AFG3L2: variants seen among roughly 807,000 people sequenced by gnomAD.
AFG3L2 encodes mitochondrial inner membrane m-AAA protease component AFG3L2.
AFG3L2 carries 54 observed loss-of-function variants against 94.5 expected under a neutral mutation model. The ratio of observed to expected loss-of-function variants is 0.57; its 90% CI spans 0.46 to 0.72. The LOEUF (loss-of-function observed/expected upper bound fraction) is 0.72. AFG3L2 is among the 30% of genes least tolerant of loss of function. AFG3L2 has a pLI of 0.00. For missense variants in AFG3L2, 754 were observed against 994.9 expected (o/e 0.76, Z 3.26); for synonymous variants, 377 against 365.5 (o/e 1.03, Z -0.36).
intron 5 of AFG3L2, among the ~76,000 whole-genome samples, 176 bp from the exon 6 acceptor site, chr18:12,364,032 C>T (rs1908737460): frequency 1.3e-5 from 2 of 152,166 alleles, no homozygotes. Flanking sequence ...GGCACATCCC[C>T]TCCCAAAGGG....
At chr18:12,335,406 C>A (rs569037828) in intron 16 of AFG3L2, among the ~76,000 whole-genome samples, 1 of 152,140 alleles carries the variant, frequency 6.6e-6, no homozygotes, top group Non-Finnish European at 1.5e-5. Context: ...ATCAAGAATG[C>A]GACCACTCAC....
chr18:12,329,829 C>A (rs1342440341), intron 16 of AFG3L2, 46 bp from the exon 17 acceptor site: 2 of 1,519,126 alleles, frequency 1.3e-6, no homozygotes, highest in Admixed American at 3.4e-5. Context: ...TCAGCAAAGT[C>A]TATTCAGAAA....
At chr18:12,337,241 G>A (rs987408543) in intron 16 of AFG3L2, 100 bp downstream of exon 16, 1 of 1,045,320 alleles carries the variant, frequency 9.6e-7, no homozygotes, top group African/African-American at 1.6e-5. Flanking sequence ...GCCAGAGAGA[G>A]GGAATTCTGC....
At chr18:12,340,165 T>C (rs1239150717) in intron 15 of AFG3L2, 36 bp downstream of exon 15, 1 of 1,560,870 alleles carries the variant, frequency 6.4e-7, no homozygotes, top group East Asian at 2.2e-5. Flanking sequence ...CAAATATGAA[T>C]ACATGAGGAG....
At chr18:12,348,154 G>GGC in intron 13 of AFG3L2, 119 bp downstream of exon 13, 1 of 814,158 alleles carries the variant, frequency 1.2e-6, no homozygotes, top group Non-Finnish European at 2.1e-6. Context: ...AAATGTGGTG[G>GGC]GCCCCAGGGC....
intron 3 of AFG3L2, among the ~76,000 whole-genome samples, chr18:12,369,501 C>T (rs1008299054): frequency 2.6e-5 from 4 of 152,050 alleles, no homozygotes; most frequent in African/African-American, 4.8e-5. Context: ...GAGGCAGAGG[C>T]GGGTGGATCA....
Position 12,329,252 on chromosome 18 carries a change from A to C in AFG3L2, c.*313T>G. On this transcript the variant is annotated 3_prime_UTR_variant, in exon 17 of 17. Transcript: ENST00000269143. ...AGTCCAGTGCAACGATCCCTGCCAC[A>C]CGGTCAGCCGACCCCACTTGGTGCC... is the stretch of plus-strand genomic sequence containing the variant. 1 of 701,694 alleles carries C rather than the reference A, an allele frequency of 1.4e-6. No homozygotes were observed. The highest frequency in any genetic ancestry group is 2.7e-4 in the Middle Eastern group (1 of 3,750). The allele number at this position is 701,694 out of a possible 1,614,324, so 43.5% of individuals were successfully genotyped here.
At chr18:12,343,991 T>C (rs1908038695) in intron 14 of AFG3L2, 141 bp downstream of exon 14, 2 of 736,218 alleles carry the variant, frequency 2.7e-6, no homozygotes, top group Admixed American at 2.1e-5. Flanking sequence ...TGTGCAACTA[T>C]GGTTACCAGA....
intron 9 of AFG3L2, among the ~76,000 whole-genome samples, chr18:12,355,468 G>A (rs981618559): frequency 6.6e-6 from 1 of 152,188 alleles, no homozygotes; most frequent in Non-Finnish European, 1.5e-5. Flanking sequence ...CTTACACATT[G>A]CTGGTAGGGA....
chr18:12,371,279 A>G (rs1908981354), intron 2 of AFG3L2, among the ~76,000 whole-genome samples: 1 of 150,462 alleles, frequency 6.6e-6, no homozygotes, highest in Non-Finnish European at 1.5e-5. Context: ...GCACTAGTGC[A>G]CTCCAACCTG....
At chr18:12,355,847 T>C (rs1908477561) in intron 9 of AFG3L2, among the ~76,000 whole-genome samples, 1 of 151,966 alleles carries the variant, frequency 6.6e-6, no homozygotes, top group Non-Finnish European at 1.5e-5. Context: ...TTTGGTTTTG[T>C]TTTTTTAGTA....
At chr18:12,356,513 A>G (rs1051291418) in intron 9 of AFG3L2, among the ~76,000 whole-genome samples, 181 bp downstream of exon 9, 3 of 152,192 alleles carry the variant, frequency 2.0e-5, no homozygotes, top group African/African-American at 7.2e-5. Context: ...GTGCGAGGGA[A>G]GGTGGGGTGG....
chr18:12,353,800 G>C (rs890656105), intron 9 of AFG3L2, among the ~76,000 whole-genome samples: 5 of 152,142 alleles, frequency 3.3e-5, no homozygotes, highest in Non-Finnish European at 7.3e-5. Flanking sequence ...ACACAGTAGA[G>C]CTGTAAACTT....
At chr18:12,375,200 G>GC (rs1909109357) in intron 1 of AFG3L2, among the ~76,000 whole-genome samples, 1 of 151,522 alleles carries the variant, frequency 6.6e-6, no homozygotes, top group East Asian at 1.9e-4. Flanking sequence ...TGGCAAGGGA[G>GC]CCTCAAGGAG....
At chr18:12,374,653 T>C (rs1340486602) in intron 1 of AFG3L2, among the ~76,000 whole-genome samples, 2 of 152,178 alleles carry the variant, frequency 1.3e-5, no homozygotes, top group Non-Finnish European at 2.9e-5. Context: ...GGGACAATAG[T>C]GTCACTCAAA....
intron 16 of AFG3L2, among the ~76,000 whole-genome samples, chr18:12,330,488 G>C (rs144139414): frequency 7.2e-5 from 11 of 151,996 alleles, no homozygotes; most frequent in Middle Eastern, 6.8e-3. Flanking sequence ...CATTAAAGCA[G>C]AATAGGCAGC....
intron 10 of AFG3L2, 76 bp downstream of exon 10, chr18:12,352,929 G>C: frequency 6.3e-7 from 1 of 1,590,478 alleles, no homozygotes; most frequent in Non-Finnish European, 8.6e-7. Flanking sequence ...ACTTCAGCCT[G>C]GACGACAGAG....
chr18:12,354,618 G>T (rs1342650160), intron 9 of AFG3L2, among the ~76,000 whole-genome samples: 2 of 152,092 alleles, frequency 1.3e-5, no homozygotes, highest in Admixed American at 1.3e-4. Flanking sequence ...ACTCTGACAA[G>T]ACCAGCACTG....
At chr18:12,358,364 C>CCGCT (rs1908557446) in intron 8 of AFG3L2, among the ~76,000 whole-genome samples, 1 of 152,236 alleles carries the variant, frequency 6.6e-6, no homozygotes, top group Non-Finnish European at 1.5e-5. Context: ...CAGTGAGCTA[C>CCGCT]AGCGGGCCTA....
Sources: gnomAD v4.1 joint callset for allele counts (sites outside exome capture counted in the v4.1 genomes callset) on GRCh38, gnomAD v4.1.1 for gene constraint, MANE v1.5 for transcripts, NCBI Gene and HGNC (gene_info 2026-07-23, HGNC 2026-07-21) for gene names.